DCC: variants seen among roughly 807,000 people sequenced by gnomAD.
DCC encodes netrin receptor DCC.
In DCC, 58 loss-of-function variants were observed where a neutral mutation model predicts 172.5. That is an observed-to-expected ratio of 0.34 (90% confidence interval 0.27 to 0.42). The LOEUF is 0.42. Ranked by LOEUF, DCC falls within the 10% of genes least tolerant of loss-of-function variation. The probability of loss-of-function intolerance (pLI) is 1.00; values close to 1 mark genes in which losing one functional copy is unlikely to be tolerated. For synonymous variants in DCC, 709 were observed against 644.5 expected, an observed-to-expected ratio of 1.10 and a Z score of -1.52; for missense variants, 1,740 against 1,791.0, an observed-to-expected ratio of 0.97 and a Z score of 0.51.
At chr18:52,567,450 T>G (rs2033185736) in intron 1 of DCC, among the ~76,000 whole-genome samples, 1 of 152,110 alleles carries the variant, frequency 6.6e-6, no homozygotes, top group African/African-American at 2.4e-5. Flanking sequence ...ACATCCTGGC[T>G]CCATCATTTG....
intron 25 of DCC, among the ~76,000 whole-genome samples, chr18:53,478,545 A>G (rs1296241616): frequency 1.3e-5 from 2 of 152,204 alleles, no homozygotes; most frequent in African/African-American, 4.8e-5. Context: ...CTTTCTCTGT[A>G]AATATTTGAG....
chr18:53,271,211 G>T (rs774563628), intron 12 of DCC, among the ~76,000 whole-genome samples: 1 of 152,122 alleles, frequency 6.6e-6, no homozygotes, highest in Non-Finnish European at 1.5e-5. Context: ...TTGAAGGGAG[G>T]TTTCCTAAGT....
intron 2 of DCC, among the ~76,000 whole-genome samples, chr18:52,803,150 T>C (rs2038025205): frequency 6.6e-6 from 1 of 152,222 alleles, no homozygotes; most frequent in South Asian, 2.1e-4. Context: ...GGGAACACTT[T>C]GAACATCACT....
chr18:52,836,474 T>C (rs2038706452), intron 2 of DCC, among the ~76,000 whole-genome samples: 1 of 152,122 alleles, frequency 6.6e-6, no homozygotes, highest in South Asian at 2.1e-4. Flanking sequence ...GTACAGGCAT[T>C]GGGTAAATAC....
intron 1 of DCC, among the ~76,000 whole-genome samples, chr18:52,506,098 A>C (rs2031220918): frequency 6.6e-6 from 1 of 152,188 alleles, no homozygotes; most frequent in African/African-American, 2.4e-5. Context: ...AAATTCCCAT[A>C]GGAAAAGTAT....
At position 53,342,186 on chromosome 18, in the gene DCC, A is replaced by G. The variant is rs73467229; in HGVS notation, c.2359+2279A>G. Among the ~76,000 whole-genome samples the G allele has an allele frequency of 5.8e-3, 887 of 152,194 alleles. 9 individuals carry two copies. The highest frequency in any genetic ancestry group is 0.02 in the African/African-American group (840 of 41,566). On this transcript the variant is annotated intron_variant, in intron 15 of 28. Transcript: ENST00000442544. Reference sequence around the variant, plus strand: ...AAACAGCATTTTATTTGCAGTTTAGACACCAGACACTGTGATCAGCTTCAG... The same window carrying G: ...AAACAGCATTTTATTTGCAGTTTAGGCACCAGACACTGTGATCAGCTTCAG...
rs1234979515 is a variant in DCC at position 53,088,042 on chromosome 18, C to T, written c.1261+21876C>T. Among the ~76,000 whole-genome samples the T allele has an allele frequency of 2.0e-5, 3 of 152,152 alleles. No homozygotes were observed. In the East Asian group the frequency reaches 5.8e-4, roughly 29 times the overall value. ...AGTTTGTAGTCAGGTAGCGTGATGC[C>T]TCCAGCTTTGTTCTTTTGGCTTAGG... On this transcript the variant is annotated intron_variant, in intron 7 of 28. Transcript: ENST00000442544.
chr18:52,498,657 AT>A (rs1466762885), intron 1 of DCC, among the ~76,000 whole-genome samples: 19 of 152,036 alleles, frequency 1.2e-4, no homozygotes, highest in Non-Finnish European at 4.4e-5. Flanking sequence ...ATAAAATAAA[AT>A]AATGAATATA....
At chr18:53,189,242 T>C (rs1184872378) in intron 9 of DCC, among the ~76,000 whole-genome samples, 1 of 152,086 alleles carries the variant, frequency 6.6e-6, no homozygotes, top group Non-Finnish European at 1.5e-5. Flanking sequence ...TGTGTGTATA[T>C]ATATTCAGGT....
rs565897644 is a variant in DCC at position 52,901,646 on chromosome 18, C to T, written c.413-4398C>T. Among the ~76,000 whole-genome samples the T allele has an allele frequency of 4.6e-5, 7 of 152,026 alleles. No individual in the cohort carries two copies. The South Asian group carries it at 1.2e-3, about 27-fold the overall frequency. On this transcript the variant is annotated intron_variant, in intron 2 of 28. Transcript: ENST00000442544. ...TCCTCTAGCTTGTTAAATAATGAAGCGGGGAAGTGACTCCAGGTAATCTCA... is the reference window on the plus strand; with the variant it reads ...TCCTCTAGCTTGTTAAATAATGAAGTGGGGAAGTGACTCCAGGTAATCTCA...
chr18:52,944,868 A>G (rs1487665557), intron 5 of DCC, among the ~76,000 whole-genome samples: 1 of 152,174 alleles, frequency 6.6e-6, no homozygotes, highest in Non-Finnish European at 1.5e-5. Flanking sequence ...GTTGGTATTT[A>G]TGATAAGAAA....
intron 7 of DCC, among the ~76,000 whole-genome samples, chr18:53,105,388 C>T (rs2043230245): frequency 1.3e-5 from 2 of 151,928 alleles, no homozygotes; most frequent in East Asian, 3.9e-4. Context: ...TTATCTGTCT[C>T]GGAAAGATCT....
chr18:52,977,753 C>T (rs1395495372), intron 5 of DCC, among the ~76,000 whole-genome samples: 1 of 151,746 alleles, frequency 6.6e-6, no homozygotes, highest in Admixed American at 6.6e-5. Context: ...GACGTGGTGG[C>T]AGGCACCTGT....
chr18:53,371,772 A>G (rs2058062064), intron 15 of DCC, among the ~76,000 whole-genome samples: 1 of 152,074 alleles, frequency 6.6e-6, no homozygotes, highest in Non-Finnish European at 1.5e-5. Flanking sequence ...CAGAATTTAC[A>G]AGAAAAAAAG....
chr18:53,480,224 T>A (rs2045815947), intron 25 of DCC, among the ~76,000 whole-genome samples: 1 of 152,186 alleles, frequency 6.6e-6, no homozygotes, highest in Non-Finnish European at 1.5e-5. Context: ...TGCAGGGGTC[T>A]TAAAGTTTCC....
chr18:52,899,219 A>C (rs2039775155), intron 2 of DCC, among the ~76,000 whole-genome samples: 1 of 151,780 alleles, frequency 6.6e-6, no homozygotes, highest in Admixed American at 6.6e-5. Flanking sequence ...GTGTGATCAT[A>C]GCTTACTGCA....
At chr18:53,391,602 C>A in intron 16 of DCC, 53 bp from the exon 17 acceptor site, 1 of 1,185,970 alleles carries the variant, frequency 8.4e-7, no homozygotes, top group Non-Finnish European at 1.3e-6. Flanking sequence ...TTTTTTAACG[C>A]TTTTATTTAC....
chr18:52,392,529 A>G (rs1986068319), intron 1 of DCC, among the ~76,000 whole-genome samples: 1 of 152,114 alleles, frequency 6.6e-6, no homozygotes, highest in Non-Finnish European at 1.5e-5. Context: ...GTACAATGCA[A>G]GTTGATGGAA....
chr18:52,364,156 CA>C (rs1361551274), intron 1 of DCC, among the ~76,000 whole-genome samples: 7 of 152,208 alleles, frequency 4.6e-5, no homozygotes, highest in African/African-American at 1.7e-4. Context: ...AAATACCACA[CA>C]TTTTTTTTAC....
Sources: allele counts gnomAD v4.1 joint callset (sites outside exome capture counted in the v4.1 genomes callset), GRCh38; gene constraint gnomAD v4.1.1; transcripts MANE v1.5; gene names NCBI Gene and HGNC (gene_info 2026-07-23, HGNC 2026-07-21).